The following GPR55 variants were observed in gnomAD, a reference collection of about 807,000 sequenced individuals.
The protein encoded by GPR55 is G protein-coupled receptor 55.
GPR55 carries 6 observed loss-of-function variants against 7.9 expected under a neutral mutation model. That is an observed-to-expected ratio of 0.76 (90% CI 0.41 to 1.49). GPR55 has a LOEUF of 1.49. Among genes scored for constraint, GPR55 ranks in the 40% most tolerant of loss-of-function variants. The probability of loss-of-function intolerance (pLI) is 0.01; values close to 1 mark genes in which losing one functional copy is unlikely to be tolerated. For missense variants in GPR55, 376 were observed against 406.0 expected, an observed-to-expected ratio of 0.93 and a Z score of 0.63; for synonymous variants, 183 against 166.8, an observed-to-expected ratio of 1.10 and a Z score of -0.75.
chr2:230,925,671 C>T (rs1690930900), upstream of GPR55, among the ~76,000 whole-genome samples: 1 of 152,182 alleles, frequency 6.6e-6, no homozygotes, highest in Non-Finnish European at 1.5e-5. Context: ...GGATTTGAAA[C>T]TGCTGCCCAC....
chr2:230,942,519 G>T (rs1691249595), intron 1 of GPR55, among the ~76,000 whole-genome samples: 1 of 152,220 alleles, frequency 6.6e-6, no homozygotes, highest in South Asian at 2.1e-4. Flanking sequence ...TGTGGGGGGA[G>T]AGCGGCAGGG....
At chr2:230,942,459 C>T (rs1047145938) in intron 1 of GPR55, among the ~76,000 whole-genome samples, 1 of 152,214 alleles carries the variant, frequency 6.6e-6, no homozygotes, top group Non-Finnish European at 1.5e-5. Flanking sequence ...ACTCAGGCCC[C>T]CAGGACGTTT....
upstream of GPR55, chr2:230,925,261 T>C (rs1294060781): frequency 1.3e-5 from 2 of 152,584 alleles, no homozygotes; most frequent in African/African-American, 4.8e-5. Context: ...TCACTTCCCC[T>C]CTCTGGGTCT....
In GPR55 at chr2:230,909,954, C is replaced by T; in HGVS notation, c.*49G>A. 6.4e-7 allele frequency: 1 copy of T among 1,561,312 alleles called. No individual in the cohort carries two copies. Among genetic ancestry groups the T allele is most frequent in the Non-Finnish European group, 8.7e-7 (1 of 1,149,438 alleles). ...AAACCCTGGAACGCGATATCCGTTA[C>T]CAGAATTCAGGGCCAGGGCTTTCTT... On this transcript the variant is annotated 3_prime_UTR_variant, in exon 2 of 2. Transcript: ENST00000650999.
At chr2:230,942,697 A>C (rs1452910560) in intron 1 of GPR55, among the ~76,000 whole-genome samples, 2 of 152,022 alleles carry the variant, frequency 1.3e-5, no homozygotes, top group Non-Finnish European at 2.9e-5. Flanking sequence ...CAGGGTCCAA[A>C]GGCCAGGGGC....
intron 1 of GPR55, among the ~76,000 whole-genome samples, chr2:230,937,234 G>A (rs542623294): frequency 4.0e-5 from 6 of 151,636 alleles, no homozygotes; most frequent in African/African-American, 1.2e-4. Flanking sequence ...GTAAGACCCC[G>A]TCTCTACAAA....
intron 1 of GPR55, among the ~76,000 whole-genome samples, chr2:230,912,784 T>A (rs2125048252): frequency 6.6e-6 from 1 of 152,364 alleles, no homozygotes; most frequent in African/African-American, 2.4e-5. Flanking sequence ...TTATTTTTCA[T>A]AGCTTTTTAT....
chr2:230,937,354 G>A (rs1012809943), intron 1 of GPR55, among the ~76,000 whole-genome samples: 3 of 150,596 alleles, frequency 2.0e-5, no homozygotes, highest in Admixed American at 1.3e-4. Flanking sequence ...CCCGTGAGTC[G>A]TGATTGTGCC....
upstream of GPR55, among the ~76,000 whole-genome samples, chr2:230,925,868 C>A (rs1346321520): frequency 6.6e-6 from 1 of 152,088 alleles, no homozygotes; most frequent in East Asian, 1.9e-4. Flanking sequence ...GGGCCTGTGG[C>A]TTCCTAGGGC....
intron 1 of GPR55, among the ~76,000 whole-genome samples, chr2:230,918,470 T>C (rs1690763454): frequency 6.6e-6 from 1 of 152,152 alleles, no homozygotes; most frequent in African/African-American, 2.4e-5. Context: ...ATCAAAGAAT[T>C]ACTCTTAAAA....
rs1691291517 is a variant in GPR55 at position 230,945,198 on chromosome 2, C to T, written c.-135+15577G>A. On this transcript the variant is annotated intron_variant, in intron 1 of 1. Coordinates refer to the GPR55 transcript ENST00000392039. ...AGATGGCGGCGGGGGAGAGGAAAGGCAATTCCCAGAATGAAGCGGGGACGT... is the reference window on the plus strand; with the variant it reads ...AGATGGCGGCGGGGGAGAGGAAAGGTAATTCCCAGAATGAAGCGGGGACGT... Among the ~76,000 whole-genome samples, 4 of 152,080 alleles carry T rather than the reference C, an allele frequency of 2.6e-5. No individual in the cohort carries two copies. In the South Asian group the frequency reaches 8.3e-4, roughly 32 times the overall value.
At chr2:230,959,745 A>G (rs11885240) in intron 1 of GPR55, among the ~76,000 whole-genome samples, 8,661 of 152,182 alleles carry the variant, frequency 0.057, 712 homozygotes, top group East Asian at 0.42. Flanking sequence ...ACAACCCTTC[A>G]TCCTTCTCTC....
At chr2:230,937,928 G>A (rs1304012215) in intron 1 of GPR55, among the ~76,000 whole-genome samples, 1 of 152,052 alleles carries the variant, frequency 6.6e-6, no homozygotes, top group East Asian at 1.9e-4. Context: ...GCGGAGGCAG[G>A]AGGATTACTT....
At chr2:230,912,151 T>C (rs1559169776) in intron 1 of GPR55, among the ~76,000 whole-genome samples, 1 of 152,174 alleles carries the variant, frequency 6.6e-6, no homozygotes, top group Non-Finnish European at 1.5e-5. Flanking sequence ...GCCTTAGACA[T>C]GGAATGTGCC....
At chr2:230,950,490 C>T (rs1023670310) in intron 1 of GPR55, among the ~76,000 whole-genome samples, 1 of 152,190 alleles carries the variant, frequency 6.6e-6, no homozygotes, top group Non-Finnish European at 1.5e-5. Flanking sequence ...CAGCCTCAGA[C>T]CTCATAACGA....
chr2:230,935,393 T>G (rs1221433479), intron 1 of GPR55, among the ~76,000 whole-genome samples: 16 of 152,322 alleles, frequency 1.1e-4, no homozygotes, highest in Non-Finnish European at 2.9e-5. Flanking sequence ...CCAGGAAGTC[T>G]TTCCTTCTGA....
Position 230,923,053 on chromosome 2 carries a change from C to T in GPR55, c.-135+2115G>A, listed in dbSNP as rs977707451. 8.5e-5 allele frequency among the ~76,000 whole-genome samples: 13 copies of T among 152,198 alleles called. No homozygotes were observed. The highest frequency in any genetic ancestry group is 1.8e-4 in the Non-Finnish European group (12 of 68,026). On this transcript the variant is annotated intron_variant, in intron 1 of 1. Coordinates refer to ENST00000650999, the MANE Select transcript of GPR55 (RefSeq NM_005683.4). The surrounding 1 kb of genome is among the most constrained non-coding windows in gnomAD (Gnocchi z 4.1). ...CTACACATTCTGCAGCTGGGATTCC[C>T]GCAACTGCCAGTGGTCCATGGTACC...
intron 1 of GPR55, among the ~76,000 whole-genome samples, chr2:230,956,155 C>CTTTATTTA (rs201807623): frequency 9.3e-5 from 14 of 151,194 alleles, no homozygotes; most frequent in African/African-American, 2.9e-4. Flanking sequence ...ATTTTATTTA[C>CTTTATTTA]TTTATTTATT....
At position 230,944,346 on chromosome 2, in the gene GPR55, G is replaced by A. The variant is rs1333935066; in HGVS notation, c.-135+16429C>T. ...TCCTGCACACGTGAGTCTGTGACCT[G>A]ACAGCTGTGCCTGCTTCACCAGTGT... On this transcript the variant is annotated intron_variant, in intron 1 of 1. Coordinates refer to the GPR55 transcript ENST00000392039. The surrounding 1 kb of genome is among the most constrained non-coding windows in gnomAD (Gnocchi z 4.2). 6.6e-6 allele frequency among the ~76,000 whole-genome samples: 1 copy of A among 152,214 alleles called. No homozygotes were observed. The highest frequency in any genetic ancestry group is 1.5e-5 in the Non-Finnish European group (1 of 68,050).
Sources: gnomAD v4.1 joint callset for allele counts (sites outside exome capture counted in the v4.1 genomes callset) on GRCh38, gnomAD v4.1.1 for gene constraint, Gnocchi (gnomAD v3.1) non-coding constraint, MANE v1.5 for transcripts, NCBI Gene and HGNC (gene_info 2026-07-23, HGNC 2026-07-21) for gene names.